CASS4: variants seen among roughly 807,000 people sequenced by gnomAD.
CASS4 encodes the protein Cas scaffold protein family member 4, also known as cas scaffolding protein family member 4.
A neutral mutation model predicts 54.2 loss-of-function variants in CASS4; 22 were observed. The observed-to-expected ratio is 0.41, with a 90% CI of 0.29 to 0.58. The LOEUF (loss-of-function observed/expected upper bound fraction) is 0.58, where lower values mean the gene tolerates loss of function less well. CASS4 is among the 20% of genes least tolerant of loss of function. CASS4 has a pLI of 0.36. For missense variants in CASS4, 854 were observed against 986.7 expected (o/e 0.87, Z 1.80); for synonymous variants, 409 against 391.5 (o/e 1.04, Z -0.53).
Position 56,452,972 on chromosome 20 carries a change from A to T in CASS4, c.1796A>T (p.Gln599Leu). ...AACTGTGAAAAGGAAGAGACTGTGC[A>T]GTTGACCCCAAATGCAGAATTTAAG... is the stretch of plus-strand genomic sequence containing the variant. The part of the protein sequence containing the change: ...KRNCEKEETV[Q>L]LTPNAEFKCE... The change falls in exon 5 of 6, where the codon CAG becomes CTG. Residue 599 changes from glutamine to leucine, a missense_variant. By Grantham distance (113) the Gln-to-Leu change is moderately radical (BLOSUM62 -2). Transcript: ENST00000679887. 6.2e-7 allele frequency: 1 copy of T among 1,614,124 alleles called. No homozygotes were observed. The highest frequency in any genetic ancestry group is 8.5e-7 in the Non-Finnish European group (1 of 1,180,034).
chr20:56,442,005 C>T (rs1980483386), intron 2 of CASS4, among the ~76,000 whole-genome samples: 1 of 151,960 alleles, frequency 6.6e-6, no homozygotes, highest in African/African-American at 2.4e-5. Context: ...CTAAACCCGC[C>T]CAGAAAATAC....
Position 56,421,732 on chromosome 20 carries a change from C to G in CASS4, c.36+9238C>G, listed in dbSNP as rs929956304. ...AGAGAAAAAGAAACACAGGCTTAGA[C>G]AAAGTTTTCTTCTAATTGGTGTCGG... On this transcript the variant is annotated intron_variant, in intron 1 of 5. Transcript: ENST00000679887. 1.2e-4 allele frequency among the ~76,000 whole-genome samples: 19 copies of G among 152,236 alleles called. 1 individual carries two copies. The highest frequency in any genetic ancestry group is 4.1e-4 in the African/African-American group (17 of 41,558).
In CASS4 at chr20:56,412,591, G is replaced by T; in HGVS notation, c.36+97G>T. 1 of 1,258,528 alleles carries T rather than the reference G, an allele frequency of 7.9e-7. No individual in the cohort carries two copies. Among genetic ancestry groups the T allele is most frequent in the South Asian group, 1.3e-5 (1 of 76,634 alleles). The allele number at this position is 1,258,528 out of a possible 1,614,324, so 78.0% of individuals were successfully genotyped here. On this transcript the variant is annotated intron_variant, in intron 1 of 5. Transcript: ENST00000679887. This position sits in a 1 kb window ranked among gnomAD's most constrained non-coding sequence, Gnocchi z 4.2. ...CTTTAGTTGTGACTTTCTAATAAAG[G>T]TTGAATACCAGTGACGTGTGAGTTG...
chr20:56,443,469 C>CA lies in CASS4; in HGVS notation c.460-2420dup, dbSNP rs11467181. 1.9e-3 allele frequency among the ~76,000 whole-genome samples: 219 copies of CA among 115,094 alleles called. 6 individuals carry two copies. The highest frequency in any genetic ancestry group is 5.0e-3 in the East Asian group (14 of 2,802). 75.5% of individuals were successfully genotyped at this position (115,094 alleles called of 152,430 possible). ...GGGTGACAGAGCGAGACTCCGTCTC[C>CA]AAAAAAAAAAAGAAGCTTGGATTTC... On this transcript the variant is annotated intron_variant, in intron 2 of 5. Transcript: ENST00000679887.
intron 1 of CASS4, among the ~76,000 whole-genome samples, chr20:56,417,993 A>G (rs996125132): frequency 3.9e-5 from 6 of 152,192 alleles, no homozygotes; most frequent in African/African-American, 1.2e-4. Flanking sequence ...CAGCCCAGAC[A>G]CAACACCCAA....
chr20:56,421,638 G>A (rs1979416793), intron 1 of CASS4, among the ~76,000 whole-genome samples: 1 of 152,234 alleles, frequency 6.6e-6, no homozygotes, highest in African/African-American at 2.4e-5. Flanking sequence ...CGAGGCTGCA[G>A]TGAGCTGTGA....
chr20:56,418,184 A>T (rs1979236048), intron 1 of CASS4, among the ~76,000 whole-genome samples: 1 of 152,156 alleles, frequency 6.6e-6, no homozygotes, highest in Non-Finnish European at 1.5e-5. Context: ...AAACAGGGGG[A>T]TCTGATGGAG....
At chr20:56,443,028 G>A (rs1980529663) in intron 2 of CASS4, among the ~76,000 whole-genome samples, 1 of 151,736 alleles carries the variant, frequency 6.6e-6, no homozygotes, top group African/African-American at 2.4e-5. Context: ...GAAGTCATGG[G>A]GAGGAATGGG....
intron 1 of CASS4, among the ~76,000 whole-genome samples, chr20:56,435,690 T>C (rs1980119261): frequency 6.6e-6 from 1 of 152,214 alleles, no homozygotes; most frequent in Non-Finnish European, 1.5e-5. Flanking sequence ...GATCCTGGCT[T>C]TGTGACCGCA....
chr20:56,455,104 C>T (rs1025640308), intron 5 of CASS4, among the ~76,000 whole-genome samples: 2 of 148,894 alleles, frequency 1.3e-5, no homozygotes, highest in African/African-American at 5.0e-5. Flanking sequence ...TCTTCAACAC[C>T]TCTTTTACAC....
chr20:56,447,532 G>A (rs944570958), intron 3 of CASS4, among the ~76,000 whole-genome samples: 5 of 152,242 alleles, frequency 3.3e-5, no homozygotes, highest in Non-Finnish European at 7.3e-5. Flanking sequence ...GCAGTGGCCA[G>A]TATGGCAAGC....
intron 1 of CASS4, among the ~76,000 whole-genome samples, chr20:56,422,708 A>G (rs1979466628): frequency 6.6e-6 from 1 of 152,230 alleles, no homozygotes; most frequent in African/African-American, 2.4e-5. Flanking sequence ...ATCATCAGGA[A>G]GAATTCAAAG....
chr20:56,451,856 G>A lies in CASS4; in HGVS notation c.680G>A (p.Arg227Lys), dbSNP rs374995714. The A allele has an allele frequency of 1.8e-5, 29 of 1,611,082 alleles. No homozygotes were observed. Among genetic ancestry groups the A allele is most frequent in the Non-Finnish European group, 2.2e-5 (26 of 1,177,700 alleles). ...GVPLISVTTL[R>K]RGGYSTLPNP... Reference sequence around the variant, plus strand: ...CCCCTGATATCAGTGACTACCTTAAGAAGAGGCGGTTACAGCACATTACCA... The same window carrying A: ...CCCCTGATATCAGTGACTACCTTAAAAAGAGGCGGTTACAGCACATTACCA... The change falls in exon 5 of 6, where the codon AGA (arginine) becomes AAA (lysine). Residue 227 changes from arginine to lysine, a missense_variant. Transcript: ENST00000679887.
chr20:56,459,766 G>A lies in CASS4; in HGVS notation c.*1019G>A. On this transcript the variant is annotated 3_prime_UTR_variant, in exon 6 of 6. Coordinates refer to ENST00000679887, the MANE Select transcript of CASS4 (RefSeq NM_020356.4). ...TTACAGGCCTGAGCCACCATTCCTG[G>A]CATGTACGTGTTTTAAATTCACTCA... is the stretch of plus-strand genomic sequence containing the variant. 1 of 152,712 alleles carries A rather than the reference G, an allele frequency of 6.5e-6. No homozygotes were observed. The highest frequency in any genetic ancestry group is 1.9e-4 in the East Asian group (1 of 5,202). 9.5% of individuals were successfully genotyped at this position (152,712 alleles called of 1,614,324 possible).
intron 2 of CASS4, among the ~76,000 whole-genome samples, chr20:56,439,460 C>T (rs1980355085): frequency 6.6e-6 from 1 of 151,770 alleles, no homozygotes; most frequent in South Asian, 2.1e-4. Flanking sequence ...TGCTTGAGCC[C>T]AGGAGTTTGA....
At position 56,450,385 on chromosome 20, in the gene CASS4, G is replaced by A. The variant is rs1336257146; in HGVS notation, c.562-214G>A. Among the ~76,000 whole-genome samples, 3 of 152,172 alleles carry A rather than the reference G, an allele frequency of 2.0e-5. No individual in the cohort carries two copies. The East Asian group carries it at 5.8e-4, about 29-fold the overall frequency. On this transcript the variant is annotated intron_variant, in intron 3 of 5. Transcript: ENST00000679887. ...AATGTATACCCTGTTATGGGAAAAAGGACTGTGATGTCCCCTGCGTTGCCT... is the reference window on the plus strand; with the variant it reads ...AATGTATACCCTGTTATGGGAAAAAAGACTGTGATGTCCCCTGCGTTGCCT...
intron 2 of CASS4, among the ~76,000 whole-genome samples, chr20:56,444,368 C>T (rs906808057): frequency 8.5e-5 from 13 of 152,248 alleles, no homozygotes; most frequent in African/African-American, 2.6e-4. Flanking sequence ...CTCCTTGGGA[C>T]GCCAGTGGGA....
intron 1 of CASS4, among the ~76,000 whole-genome samples, chr20:56,421,757 G>C (rs530434016): frequency 1.3e-5 from 2 of 151,996 alleles, no homozygotes; most frequent in African/African-American, 2.4e-5. Context: ...ATTGGTGTCG[G>C]CATAATTGCT....
chr20:56,453,072 G>A lies in CASS4; in HGVS notation c.1896G>A (p.Arg632=), dbSNP rs142247733. 312 of 1,613,922 alleles carry A rather than the reference G, an allele frequency of 1.9e-4. 1 individual carries two copies. The highest frequency in any genetic ancestry group is 6.6e-4 in the Middle Eastern group (4 of 6,084). Residue 632 remains arginine (R), a synonymous_variant, in exon 5 of 6, where the codon AGG becomes AGA. Coordinates refer to ENST00000679887, the MANE Select transcript of CASS4 (RefSeq NM_020356.4). The stretch of plus-strand genomic sequence containing the variant: ...AGAGTACCCCTTCCACTAAGCAAAG[G>A]GAAGATGAACACTCTTCTGAACTAT... ...HQKSTPSTKQ[R]EDEHSSELLK...
Sources: gnomAD v4.1 joint callset for allele counts (sites outside exome capture counted in the v4.1 genomes callset) on GRCh38, gnomAD v4.1.1 for gene constraint, Gnocchi (gnomAD v3.1) non-coding constraint, MANE v1.5 for transcripts, NCBI Gene and HGNC (gene_info 2026-07-23, HGNC 2026-07-21) for gene names.